ADARB2: variants seen among roughly 807,000 people sequenced by gnomAD.
The protein encoded by ADARB2 is inactive double-stranded RNA-specific editase B2.
Under a neutral mutation model 62.2 loss-of-function variants are expected in ADARB2, and 25 were observed. That is an observed-to-expected ratio of 0.40 (90% CI 0.29 to 0.56). The LOEUF (loss-of-function observed/expected upper bound fraction) is 0.56. Ranked by LOEUF, ADARB2 falls within the 20% of genes least tolerant of loss-of-function variation. The pLI is 0.43. For missense variants in ADARB2, 1,071 were observed against 1,077.4 expected (o/e 0.99, Z 0.08); for synonymous variants, 572 against 500.8 (o/e 1.14, Z -1.90).
At chr10:1,567,199 C>G (rs1001119427) in intron 1 of ADARB2, among the ~76,000 whole-genome samples, 1 of 152,102 alleles carries the variant, frequency 6.6e-6, no homozygotes, top group Non-Finnish European at 1.5e-5. Context: ...GAGAAGCAGA[C>G]CTGCTCACAC....
chr10:1,528,397 G>A (rs1832177092), intron 1 of ADARB2, among the ~76,000 whole-genome samples: 1 of 152,186 alleles, frequency 6.6e-6, no homozygotes, highest in Non-Finnish European at 1.5e-5. Context: ...CAGTGCACGT[G>A]AATCTATGAG....
At position 1,260,303 on chromosome 10, in the gene ADARB2, G is replaced by A. The variant is rs1364804228; in HGVS notation, c.1192+10652C>T. On this transcript the variant is annotated intron_variant, in intron 4 of 9. Coordinates refer to ENST00000381312, the MANE Select transcript of ADARB2 (RefSeq NM_018702.4). ...CATAGTGTTGGAAGTTTTGGCCAGG[G>A]CAATCAGGCAGGAGAAGGAAATAAA... is the stretch of plus-strand genomic sequence containing the variant. Among the ~76,000 whole-genome samples the A allele has an allele frequency of 2.4e-4, 37 of 152,138 alleles. 1 individual carries two copies. The highest frequency in any genetic ancestry group is 4.4e-5 in the Non-Finnish European group (3 of 68,034).
At chr10:1,576,348 G>C (rs1464448609) in intron 1 of ADARB2, among the ~76,000 whole-genome samples, 1 of 150,002 alleles carries the variant, frequency 6.7e-6, no homozygotes, top group Non-Finnish European at 1.5e-5. Context: ...ATGGGTCTCA[G>C]GGTCACAGGA....
chr10:1,306,040 T>C (rs1421957455), intron 3 of ADARB2, among the ~76,000 whole-genome samples: 1 of 152,128 alleles, frequency 6.6e-6, no homozygotes, highest in Non-Finnish European at 1.5e-5. Flanking sequence ...TTCAACATAG[T>C]GTTGGAAGTT....
intron 3 of ADARB2, among the ~76,000 whole-genome samples, chr10:1,283,785 C>T (rs1173986518): frequency 6.6e-6 from 1 of 152,178 alleles, no homozygotes; most frequent in African/African-American, 2.4e-5. Context: ...GAGGAAGAGG[C>T]CACTTCTGGG....
At chr10:1,389,262 C>A (rs1389704433) in intron 1 of ADARB2, among the ~76,000 whole-genome samples, 1 of 151,880 alleles carries the variant, frequency 6.6e-6, no homozygotes, top group Non-Finnish European at 1.5e-5. Flanking sequence ...ATAGAAAGCA[C>A]TAACTACAAA....
chr10:1,598,605 C>T (rs559369525), intron 1 of ADARB2, among the ~76,000 whole-genome samples: 1 of 152,260 alleles, frequency 6.6e-6, no homozygotes, highest in East Asian at 1.9e-4. Flanking sequence ...CTGAGCTACA[C>T]ACAATTCCGG....
At chr10:1,359,811 C>A (rs868799687) in intron 3 of ADARB2, among the ~76,000 whole-genome samples, 5 of 152,332 alleles carry the variant, frequency 3.3e-5, no homozygotes, top group African/African-American at 1.2e-4. Flanking sequence ...TCTGACCACC[C>A]GACGAGCTGG....
intron 4 of ADARB2, among the ~76,000 whole-genome samples, chr10:1,261,137 T>G (rs1299238050): frequency 3.0e-5 from 4 of 131,196 alleles, no homozygotes; most frequent in Non-Finnish European, 4.8e-5. Context: ...CCTTACACCT[T>G]ATACAAAAAT....
rs138697838 is a variant in ADARB2 at position 1,339,593 on chromosome 10, G to T, written c.1077+23435C>A. On this transcript the variant is annotated intron_variant, in intron 3 of 9. Coordinates refer to ENST00000381312, the MANE Select transcript of ADARB2 (RefSeq NM_018702.4). The stretch of plus-strand genomic sequence containing the variant: ...GCATAAATATCAACCCATCCAGGCT[G>T]CAGTGGATTCTTGCCAAACTTTGAA... 1.1e-3 allele frequency among the ~76,000 whole-genome samples: 160 copies of T among 152,346 alleles called. 2 individuals carry two copies. In the East Asian group the frequency reaches 0.016, roughly 15 times the overall value.
At chr10:1,191,524 C>T (rs576684620) in intron 8 of ADARB2, among the ~76,000 whole-genome samples, 117 of 152,254 alleles carry the variant, frequency 7.7e-4, no homozygotes, top group African/African-American at 1.1e-3. Context: ...TTGGGAATAA[C>T]GCCCTCGCTA....
intron 1 of ADARB2, among the ~76,000 whole-genome samples, chr10:1,668,936 C>T (rs1036026527): frequency 3.4e-4 from 52 of 152,204 alleles, no homozygotes; most frequent in Admixed American, 1.0e-3. Flanking sequence ...GGTTAGGTGG[C>T]ACCAGCCCTG....
chr10:1,566,088 A>C (rs1236277676), intron 1 of ADARB2, among the ~76,000 whole-genome samples: 2,422 of 141,346 alleles, frequency 0.017, 163 homozygotes, highest in African/African-American at 0.049. Context: ...AAAAAAAAAA[A>C]AAAAAAAAAA....
intron 1 of ADARB2, among the ~76,000 whole-genome samples, chr10:1,461,300 A>G (rs532507714): frequency 9.6e-4 from 146 of 152,236 alleles, no homozygotes; most frequent in African/African-American, 3.2e-3. Context: ...AACTTGTCCT[A>G]TTGTCTTCAT....
intron 1 of ADARB2, among the ~76,000 whole-genome samples, chr10:1,499,912 A>G (rs1414755438): frequency 2.0e-5 from 3 of 152,202 alleles, no homozygotes; most frequent in Non-Finnish European, 2.9e-5. Context: ...TTCATTACTC[A>G]TCACTCACTC....
At chr10:1,321,945 G>C (rs1435440922) in intron 3 of ADARB2, among the ~76,000 whole-genome samples, 1 of 151,858 alleles carries the variant, frequency 6.6e-6, no homozygotes. Flanking sequence ...GAGGCTCTGG[G>C]GGAGGACTTT....
chr10:1,220,027 G>GTAATGGTGA (rs1830671799), intron 6 of ADARB2, among the ~76,000 whole-genome samples: 1 of 139,312 alleles, frequency 7.2e-6, no homozygotes, highest in African/African-American at 2.7e-5. Flanking sequence ...GGTGATGATG[G>GTAATGGTGA]TGGTGATGAT....
rs567274561 is a variant in ADARB2 at position 1,603,864 on chromosome 10, G to A, written c.100+133187C>T. ...TGTCTCCAGGCTGTAATGCAGTGGT[G>A]TGATCTCAGCTCACTGCAACCTCTC... On this transcript the variant is annotated intron_variant, in intron 1 of 9. Coordinates refer to ENST00000381312, the MANE Select transcript of ADARB2 (RefSeq NM_018702.4). Among the ~76,000 whole-genome samples, 8 of 152,134 alleles carry A rather than the reference G, an allele frequency of 5.3e-5. No homozygotes were observed. The East Asian group carries it at 9.7e-4, about 18-fold the overall frequency.
intron 1 of ADARB2, among the ~76,000 whole-genome samples, chr10:1,549,275 T>C (rs1035461846): frequency 4.6e-5 from 7 of 151,066 alleles, no homozygotes; most frequent in African/African-American, 1.2e-4. Context: ...CATGGCTGAG[T>C]GTGTAAGTTG....
Sources: allele counts gnomAD v4.1 joint callset (sites outside exome capture counted in the v4.1 genomes callset), GRCh38; gene constraint gnomAD v4.1.1; transcripts MANE v1.5; gene names NCBI Gene and HGNC (gene_info 2026-07-23, HGNC 2026-07-21).